The following PTBP3 variants were observed in gnomAD, a reference collection of about 807,000 sequenced individuals.
The protein encoded by PTBP3 is polypyrimidine tract-binding protein 3.
A neutral mutation model predicts 58.7 loss-of-function variants in PTBP3; 20 were observed. That is an observed-to-expected ratio of 0.34 (90% CI 0.24 to 0.50). PTBP3 has a LOEUF of 0.50. Among genes scored for constraint, PTBP3 ranks in the 20% least tolerant of loss-of-function variants. PTBP3 has a pLI of 0.98. For missense variants in PTBP3, 509 were observed against 637.2 expected, an observed-to-expected ratio of 0.80 and a Z score of 2.17; for synonymous variants, 185 against 219.8, an observed-to-expected ratio of 0.84 and a Z score of 1.40.
At chr9:112,359,725 C>CCTGGGAGGCGGAGGTTG in the PTBP3 span, among the ~76,000 whole-genome samples, 3 of 152,062 alleles carry the variant, frequency 2.0e-5, no homozygotes, top group East Asian at 3.9e-4. Context: ...ATCACTTGAA[C>CCTGGGAGGCGGAGGTTG]CCGGGAGGCG....
chr9:112,256,790 T>C (rs551412628), intron 5 of PTBP3, among the ~76,000 whole-genome samples: 2 of 152,280 alleles, frequency 1.3e-5, no homozygotes, highest in East Asian at 1.9e-4. Context: ...CCCAAAGTAC[T>C]GGGATTATAG....
At chr9:112,292,095 A>C (rs936262728) in intron 2 of PTBP3, among the ~76,000 whole-genome samples, 4 of 152,214 alleles carry the variant, frequency 2.6e-5, no homozygotes, top group African/African-American at 9.7e-5. Context: ...AAAATTAGTA[A>C]AACAAAACAA....
At chr9:112,367,603 T>G in the PTBP3 span, among the ~76,000 whole-genome samples, 1 of 152,216 alleles carries the variant, frequency 6.6e-6, no homozygotes, top group South Asian at 2.1e-4. Flanking sequence ...CTTTCAACAT[T>G]TTGAATATAT....
rs1281810892 is a variant in PTBP3 at position 112,223,772 on chromosome 9, G to A, written c.*79C>T. 1.9e-6 allele frequency: 3 copies of A among 1,584,842 alleles called. No homozygotes were observed. The highest frequency in any genetic ancestry group is 1.4e-5 in the African/African-American group (1 of 73,510). On this transcript the variant is annotated 3_prime_UTR_variant, in exon 14 of 14. Coordinates refer to ENST00000374257, the MANE Select transcript of PTBP3 (RefSeq NM_001163788.4). ...TATTTTTGTGAAAGAGGCAAAATTGGTCTTGAGCTGCTTCAGTCTATGTCT... is the reference window on the plus strand; with the variant it reads ...TATTTTTGTGAAAGAGGCAAAATTGATCTTGAGCTGCTTCAGTCTATGTCT...
chr9:112,292,518 G>A (rs2132289669), intron 2 of PTBP3, among the ~76,000 whole-genome samples: 1 of 152,270 alleles, frequency 6.6e-6, no homozygotes, highest in East Asian at 1.9e-4. Context: ...ATAGCTAAGA[G>A]GTGGAAGCAA....
At chr9:112,352,345 T>C in the PTBP3 span, among the ~76,000 whole-genome samples, 1 of 152,178 alleles carries the variant, frequency 6.6e-6, no homozygotes, top group Non-Finnish European at 1.5e-5. Flanking sequence ...TCAGGAGGTC[T>C]GGCCTGTCAT....
chr9:112,271,701 T>TTG (rs1177023791), intron 3 of PTBP3, among the ~76,000 whole-genome samples: 2 of 151,860 alleles, frequency 1.3e-5, no homozygotes, highest in African/African-American at 4.8e-5. Flanking sequence ...AACTCCAGTG[T>TTG]ACTCCAGCCT....
rs1834711934 is a variant in PTBP3 at position 112,218,906 on chromosome 9, T to C, written c.*4945A>G. 1 of 152,464 alleles carries C rather than the reference T, an allele frequency of 6.6e-6. No homozygotes were observed. Among genetic ancestry groups the C allele is most frequent in the Non-Finnish European group, 1.5e-5 (1 of 68,038 alleles). The allele number at this position is 152,464 out of a possible 1,614,324, so 9.4% of individuals were successfully genotyped here. On this transcript the variant is annotated 3_prime_UTR_variant, in exon 14 of 14. Coordinates refer to ENST00000374257, the MANE Select transcript of PTBP3 (RefSeq NM_001163788.4). ...TAAAAACTGAAAAGGGGAATTTTGA[T>C]GAACAGACCACGTAAAACACCAGAC...
At chr9:112,332,833 G>A (rs756589926) in intron 1 of PTBP3, 4 of 1,612,208 alleles carry the variant, frequency 2.5e-6, no homozygotes, top group Non-Finnish European at 3.4e-6. Context: ...AGGTGAGGGG[G>A]AAGCGTCCAT....
intron 1 of PTBP3, among the ~76,000 whole-genome samples, chr9:112,303,772 G>A (rs962390479): frequency 2.6e-5 from 4 of 152,204 alleles, no homozygotes; most frequent in Middle Eastern, 3.4e-3. Context: ...GCTGAGGCAG[G>A]AGAATCACTT....
At chr9:112,372,369 G>A in the PTBP3 span, among the ~76,000 whole-genome samples, 99 of 152,198 alleles carry the variant, frequency 6.5e-4, no homozygotes, top group Middle Eastern at 3.4e-3. Flanking sequence ...ATGAGCAACT[G>A]CACCTGGTTT....
chr9:112,311,593 G>C (rs1587873887), intron 1 of PTBP3, among the ~76,000 whole-genome samples: 1 of 152,114 alleles, frequency 6.6e-6, no homozygotes, highest in Admixed American at 6.6e-5. Context: ...GAGCCAACTG[G>C]AGAACTTGAG....
At chr9:112,358,630 A>G in the PTBP3 span, among the ~76,000 whole-genome samples, 35 of 152,352 alleles carry the variant, frequency 2.3e-4, no homozygotes, top group Non-Finnish European at 2.1e-4. Context: ...CATAATAAAG[A>G]CAAATTTTAA....
rs1205066102 is a variant in PTBP3 at position 112,222,158 on chromosome 9, T to C, written c.*1693A>G. ...TGAGACACTTTGAGAATCTGAAAAGTGTAAAAGGGGTAGACAAAAAAATGA... is the reference window on the plus strand; with the variant it reads ...TGAGACACTTTGAGAATCTGAAAAGCGTAAAAGGGGTAGACAAAAAAATGA... On this transcript the variant is annotated 3_prime_UTR_variant, in exon 14 of 14. Coordinates refer to ENST00000374257, the MANE Select transcript of PTBP3 (RefSeq NM_001163788.4). 1.0e-6 allele frequency: 1 copy of C among 985,780 alleles called. No homozygotes were observed. Among genetic ancestry groups the C allele is most frequent in the Non-Finnish European group, 1.2e-6 (1 of 829,838 alleles). The allele number at this position is 985,780 out of a possible 1,614,324, so 61.1% of individuals were successfully genotyped here. A position where few individuals can be genotyped will look rare whatever the true frequency, so the allele number is the denominator to read the frequency against.
chr9:112,233,514 T>C (rs942794984), intron 8 of PTBP3, among the ~76,000 whole-genome samples: 1 of 152,028 alleles, frequency 6.6e-6, no homozygotes, highest in African/African-American at 2.4e-5. Flanking sequence ...TTTAACACAA[T>C]AGGTAGAATA....
intron 1 of PTBP3, among the ~76,000 whole-genome samples, chr9:112,301,091 G>A (rs780533132): frequency 1.8e-4 from 28 of 152,068 alleles, no homozygotes; most frequent in Non-Finnish European, 3.5e-4. Context: ...GAGAATGGAA[G>A]AAAGTATTTA....
intron 2 of PTBP3, among the ~76,000 whole-genome samples, chr9:112,294,710 A>T (rs1269571601): frequency 4.6e-5 from 7 of 152,182 alleles, no homozygotes; most frequent in Non-Finnish European, 7.3e-5. Context: ...TATACTCGAA[A>T]TTATCTTTAT....
intron 7 of PTBP3, among the ~76,000 whole-genome samples, chr9:112,235,675 G>T (rs552802469): frequency 2.0e-4 from 31 of 152,224 alleles, no homozygotes; most frequent in Admixed American, 3.9e-4. Context: ...TCAGATTATT[G>T]TAAGTAAACA....
chr9:112,279,998 T>C (rs1827788055), intron 2 of PTBP3, among the ~76,000 whole-genome samples: 1 of 152,200 alleles, frequency 6.6e-6, no homozygotes, highest in South Asian at 2.1e-4. Flanking sequence ...TCCTACACCC[T>C]TGCTAAATTC....
Sources: gnomAD v4.1 joint callset for allele counts (sites outside exome capture counted in the v4.1 genomes callset) on GRCh38, gnomAD v4.1.1 for gene constraint, MANE v1.5 for transcripts, NCBI Gene and HGNC (gene_info 2026-07-23, HGNC 2026-07-21) for gene names.